The following LYN variants were observed in gnomAD, a reference collection of about 807,000 sequenced individuals.
LYN encodes the protein LYN proto-oncogene, Src family tyrosine kinase, also known as tyrosine-protein kinase Lyn.
LYN carries 12 observed loss-of-function variants against 65.0 expected under a neutral mutation model. The ratio of observed to expected loss-of-function variants is 0.18; its 90% CI spans 0.12 to 0.30. The LOEUF is 0.30. Among genes scored for constraint, LYN ranks in the 10% least tolerant of loss-of-function variants. LYN has a pLI of 1.00. For synonymous variants in LYN, 222 were observed against 221.2 expected (o/e 1.00, Z -0.03); for missense variants, 380 against 623.2 (o/e 0.61, Z 4.16).
chr8:55,912,571 CA>C (rs1251594364), intron 1 of LYN, among the ~76,000 whole-genome samples: 2 of 151,756 alleles, frequency 1.3e-5, no homozygotes. Flanking sequence ...ACTAAAAATA[CA>C]AAAAATTAAC....
chr8:55,967,005 C>A, intron 9 of LYN, 108 bp downstream of exon 9: 1 of 1,012,784 alleles, frequency 9.9e-7, no homozygotes, highest in Non-Finnish European at 1.4e-6. Flanking sequence ...ACAGTATACC[C>A]ACTACCGAAA....
rs147149362 is a variant in LYN, at chr8:55,939,532, T to TGG, written c.-5-2315_-5-2314dup. Among the ~76,000 whole-genome samples, 134 of 146,174 alleles carry TGG rather than the reference T, an allele frequency of 9.2e-4. 1 individual carries two copies. Among genetic ancestry groups the TGG allele is most frequent in the Middle Eastern group, 3.5e-3 (1 of 288 alleles). ...GGGCAGGGGAACTGCAGGAACGCAG[T>TGG]GGGGGGGGGACAGGGGATTCCCTGT... On this transcript the variant is annotated intron_variant, in intron 1 of 12. Coordinates refer to ENST00000519728, the MANE Select transcript of LYN (RefSeq NM_002350.4).
chr8:55,912,019 C>T (rs935537028), intron 1 of LYN, among the ~76,000 whole-genome samples: 3 of 152,162 alleles, frequency 2.0e-5, no homozygotes. Context: ...GCCCTTTCCG[C>T]GCTTTCTCCC....
intron 10 of LYN, among the ~76,000 whole-genome samples, chr8:55,976,540 G>A (rs926742286): frequency 6.6e-6 from 1 of 152,140 alleles, no homozygotes; most frequent in African/African-American, 2.4e-5. Flanking sequence ...GGAGGGATGA[G>A]CAAACGGCAC....
At chr8:55,922,541 G>A (rs894834147) in intron 1 of LYN, among the ~76,000 whole-genome samples, 10 of 152,116 alleles carry the variant, frequency 6.6e-5, no homozygotes, top group Admixed American at 3.3e-4. Context: ...TTGGGAGGCC[G>A]AGGCGGGTGA....
chr8:55,964,264 A>C (rs988241556), intron 8 of LYN, among the ~76,000 whole-genome samples: 2 of 151,936 alleles, frequency 1.3e-5, no homozygotes, highest in African/African-American at 4.8e-5. Context: ...GGGTCTCACT[A>C]TATTGCCCAG....
chr8:56,000,556 G>A (rs866787054), intron 12 of LYN, among the ~76,000 whole-genome samples: 9 of 151,532 alleles, frequency 5.9e-5, no homozygotes, highest in African/African-American at 1.5e-4. Flanking sequence ...GTGAAACCCC[G>A]TCATTACTAA....
rs77365008 is a variant in LYN at position 55,902,713 on chromosome 8, A to G, written c.-6+22610A>G. 1.2e-3 allele frequency: 564 copies of G among 481,886 alleles called. 2 individuals are homozygous for G. The highest frequency in any genetic ancestry group is 9.9e-3 in the African/African-American group (497 of 50,178). 29.9% of individuals were successfully genotyped at this position (481,886 alleles called of 1,614,324 possible). On this transcript the variant is annotated intron_variant, in intron 1 of 12. Coordinates refer to ENST00000519728, the MANE Select transcript of LYN (RefSeq NM_002350.4). The stretch of plus-strand genomic sequence containing the variant: ...TTTTTCTTCTACATATTTTACTCAT[A>G]AGCATGGCAAAATGTTACAGGTCTC...
chr8:56,012,981 C>T lies in LYN; in HGVS notation c.*2871C>T, dbSNP rs545081642. The T allele has an allele frequency of 6.6e-6, 1 of 152,366 alleles. No individual in the cohort carries two copies. Among genetic ancestry groups the T allele is most frequent in the East Asian group, 1.9e-4 (1 of 5,172 alleles). 9.4% of individuals were successfully genotyped at this position (152,366 alleles called of 1,614,324 possible). A position where few individuals can be genotyped will look rare whatever the true frequency, so the allele number is the denominator to read the frequency against. ...CCTTAGTAGTAGGGGCCACCTGGGG[C>T]TTCCGTGGCTTCTCCAGGCATACCT... On this transcript the variant is annotated 3_prime_UTR_variant, in exon 13 of 13. Coordinates refer to ENST00000519728, the MANE Select transcript of LYN (RefSeq NM_002350.4).
intron 2 of LYN, among the ~76,000 whole-genome samples, chr8:55,944,408 T>C (rs1428154282): frequency 2.0e-5 from 3 of 152,192 alleles, no homozygotes; most frequent in Admixed American, 6.5e-5. Context: ...AAAAAAGATC[T>C]GATTTTTCTC....
intron 10 of LYN, among the ~76,000 whole-genome samples, chr8:55,988,956 C>T (rs908296322): frequency 6.6e-6 from 1 of 151,976 alleles, no homozygotes; most frequent in Admixed American, 6.6e-5. Context: ...TCTCAAAAAG[C>T]GATAGTAATT....
chr8:56,005,171 A>G (rs988981099), intron 12 of LYN, among the ~76,000 whole-genome samples: 2 of 152,196 alleles, frequency 1.3e-5, no homozygotes, highest in South Asian at 2.1e-4. Context: ...TTCTCTCCCC[A>G]TAGGCAACCA....
At chr8:56,008,794 C>T (rs994690594) in intron 12 of LYN, among the ~76,000 whole-genome samples, 2 of 152,170 alleles carry the variant, frequency 1.3e-5, no homozygotes, top group Non-Finnish European at 2.9e-5. Context: ...TGAGCTGTCA[C>T]TCTGGCCAGG....
chr8:55,892,307 C>T (rs1002617917), intron 1 of LYN, among the ~76,000 whole-genome samples: 1 of 152,130 alleles, frequency 6.6e-6, no homozygotes, highest in African/African-American at 2.4e-5. Context: ...GTAGTCCCAG[C>T]TACTTGGGAG....
chr8:55,916,499 A>G (rs183095235), intron 1 of LYN, among the ~76,000 whole-genome samples: 157 of 152,256 alleles, frequency 1.0e-3, no homozygotes, highest in Non-Finnish European at 1.8e-3. Context: ...TCACAAAAGC[A>G]GTGAAGACAT....
At chr8:55,938,347 T>C (rs888529714) in intron 1 of LYN, among the ~76,000 whole-genome samples, 5 of 152,142 alleles carry the variant, frequency 3.3e-5, no homozygotes, top group Admixed American at 3.3e-4. Flanking sequence ...GCATAAAATA[T>C]GTCTTTATTT....
In LYN at chr8:56,011,861, C is replaced by T. The variant is rs1415027290; in HGVS notation, c.*1751C>T. 3 of 183,844 alleles carry T rather than the reference C, an allele frequency of 1.6e-5. No homozygotes were observed. The highest frequency in any genetic ancestry group is 7.0e-5 in the African/African-American group (3 of 42,556). 11.4% of individuals were successfully genotyped at this position (183,844 alleles called of 1,614,324 possible). A position where few individuals can be genotyped will look rare whatever the true frequency, so the allele number is the denominator to read the frequency against. ...TTCAGTGGTAAGGTTTTTGTGTACA[C>T]CCCCCTGCTTGCATTTTATTTCAGA... is the stretch of plus-strand genomic sequence containing the variant. On this transcript the variant is annotated 3_prime_UTR_variant, in exon 13 of 13. Coordinates refer to ENST00000519728, the MANE Select transcript of LYN (RefSeq NM_002350.4).
intron 1 of LYN, among the ~76,000 whole-genome samples, chr8:55,931,363 A>G (rs1806266823): frequency 1.3e-5 from 2 of 150,526 alleles, no homozygotes; most frequent in African/African-American, 2.4e-5. Context: ...TACACAATGG[A>G]AAACATTTTT....
rs1182902703 is a variant in LYN at position 56,003,952 on chromosome 8, G to T, written c.1336+4403G>T. On this transcript the variant is annotated intron_variant, in intron 12 of 12. Coordinates refer to ENST00000519728, the MANE Select transcript of LYN (RefSeq NM_002350.4). ...TCTTTTTTTTTTTTTTTTTTTTTGAGATGGAGTTTCACTCTTGTTGCCCAG... is the reference window on the plus strand; with the variant it reads ...TCTTTTTTTTTTTTTTTTTTTTTGATATGGAGTTTCACTCTTGTTGCCCAG... 5.6e-3 allele frequency among the ~76,000 whole-genome samples: 463 copies of T among 82,712 alleles called. 2 individuals are homozygous for T. Among genetic ancestry groups the T allele is most frequent in the African/African-American group, 0.017 (421 of 24,194 alleles). 54.3% of individuals were successfully genotyped at this position (82,712 alleles called of 152,430 possible).
Sources: allele counts gnomAD v4.1 joint callset (sites outside exome capture counted in the v4.1 genomes callset), GRCh38; gene constraint gnomAD v4.1.1; transcripts MANE v1.5; gene names NCBI Gene and HGNC (gene_info 2026-07-23, HGNC 2026-07-21).